ZNF318: variants seen among roughly 807,000 people sequenced by gnomAD.
ZNF318 encodes the protein endocrine regulator.
A neutral mutation model predicts 124.2 loss-of-function variants in ZNF318; 51 were observed. That is an observed-to-expected ratio of 0.41 (90% CI 0.33 to 0.52). ZNF318 has a LOEUF of 0.52. ZNF318 is among the 20% of genes least tolerant of loss of function. The probability of loss-of-function intolerance (pLI) is 0.23; values close to 1 mark genes in which losing one functional copy is unlikely to be tolerated. For missense variants in ZNF318, 2,815 were observed against 2,811.2 expected (o/e 1.00, Z -0.03); for synonymous variants, 1,090 against 1,040.7 (o/e 1.05, Z -0.91).
chr6:43,357,408 A>G lies in ZNF318; in HGVS notation c.906T>C (p.Arg302=). The change falls in exon 3 of 10, where the codon CGT becomes CGC. Residue 302 remains arginine (R), a synonymous_variant. Transcript: ENST00000361428. The stretch of plus-strand genomic sequence containing the variant: ...GAAACCTAGGACTTGGGCTTCTTCT[A>G]CGCTGTCGATAGTTGCGAGTTCCTG... ...FTSGTRNYRQ[R]RRSPSPRFLD... 1 of 1,614,122 alleles carries G rather than the reference A, an allele frequency of 6.2e-7. No homozygotes were observed. Among genetic ancestry groups the G allele is most frequent in the Non-Finnish European group, 8.5e-7 (1 of 1,180,018 alleles).
Position 43,369,509 on chromosome 6 carries a change from G to T in ZNF318, c.-144C>A. 1.9e-6 allele frequency: 1 copy of T among 519,876 alleles called. No homozygotes were observed. Among genetic ancestry groups the T allele is most frequent in the Non-Finnish European group, 2.5e-6 (1 of 401,796 alleles). The allele number at this position is 519,876 out of a possible 1,614,324, so 32.2% of individuals were successfully genotyped here. A position where few individuals can be genotyped will look rare whatever the true frequency, so the allele number is the denominator to read the frequency against. ...CCGCGGGAGCAGCCCCCTCCCCTCG[G>T]CCCCGCGTCGCCCCGGGGGCCCGGC... On this transcript the variant is annotated 5_prime_UTR_variant, in exon 1 of 10. Coordinates refer to ENST00000361428, the MANE Select transcript of ZNF318 (RefSeq NM_014345.3).
rs1779585024 is a variant in ZNF318, at chr6:43,355,097, G to C, written c.2237C>G (p.Pro746Arg). 6.2e-7 allele frequency: 1 copy of C among 1,614,206 alleles called. No homozygotes were observed. The change falls in exon 4 of 10, where the codon CCA becomes CGA. Residue 746 changes from proline (P) to arginine (R), a missense_variant. Transcript: ENST00000361428. ...GTGTGGAAGTCTAATTGGGGCAGAT[G>C]GGGCTGATGGCAACATGCACCTGAC... ...VAVRCMLPSA[P>R]SAPIRLPHTA...
chr6:43,345,967 C>T (rs963194651), intron 6 of ZNF318, among the ~76,000 whole-genome samples: 6 of 151,738 alleles, frequency 4.0e-5, no homozygotes, highest in East Asian at 1.9e-4. Context: ...CTTTGGGAGG[C>T]GGGGGCAGGT....
At chr6:43,361,580 T>C (rs1259097363) in intron 2 of ZNF318, among the ~76,000 whole-genome samples, 1 of 151,956 alleles carries the variant, frequency 6.6e-6, no homozygotes, top group Non-Finnish European at 1.5e-5. Flanking sequence ...AAGTTAATAA[T>C]TTTTTTTAAA....
chr6:43,343,721 C>T (rs755862419), intron 6 of ZNF318, among the ~76,000 whole-genome samples: 15 of 149,860 alleles, frequency 1.0e-4, no homozygotes, highest in Non-Finnish European at 1.9e-4. Flanking sequence ...CCCAGCTACT[C>T]GGGAGGTTGA....
In ZNF318 at chr6:43,337,733, G is replaced by A. The variant is rs765493071; in HGVS notation, c.6265C>T (p.Arg2089Ter). ...LVLDFETEGE[R>*]NSPNPRSVRI... ...ACACTCCTGGGATTAGGTGAGTTTC[G>A]TTCACCCTCTGTCTCAAAGTCAAGC... Residue 2089 changes from arginine (R) to a stop codon, truncating the protein, a stop_gained, in exon 10 of 10, where the codon CGA becomes TGA. Coordinates refer to ENST00000361428, the MANE Select transcript of ZNF318 (RefSeq NM_014345.3). LOFTEE classifies it high-confidence loss of function. 5.0e-6 allele frequency: 8 copies of A among 1,614,084 alleles called. No homozygotes were observed. Among genetic ancestry groups the A allele is most frequent in the Admixed American group, 1.7e-5 (1 of 60,000 alleles).
intron 4 of ZNF318, 103 bp from the exon 5 acceptor site, chr6:43,352,579 A>T (rs1779544543): frequency 9.6e-7 from 1 of 1,036,924 alleles, no homozygotes; most frequent in Non-Finnish European, 1.5e-6. Context: ...GAATGTAAGG[A>T]TCCAAATGCC....
chr6:43,340,170 G>C lies in ZNF318; in HGVS notation c.3828C>G (p.Phe1276Leu), dbSNP rs780546308. Residue 1276 changes from phenylalanine to leucine, a missense_variant, in exon 10 of 10, where the codon TTC becomes TTG. By Grantham distance (22) the Phe-to-Leu change is conservative. Coordinates refer to ENST00000361428, the MANE Select transcript of ZNF318 (RefSeq NM_014345.3). Reference protein sequence around the residue: ...ESPTSSSFGKFSWKKPEKEEE... With the variant: ...ESPTSSSFGKLSWKKPEKEEE... ...CTTCTTTTTCTGGCTTCTTCCAGCTGAATTTCCCAAAAGAAGATGATGTTG... is the reference window on the plus strand; with the variant it reads ...CTTCTTTTTCTGGCTTCTTCCAGCTCAATTTCCCAAAAGAAGATGATGTTG... 4 of 1,614,110 alleles carry C rather than the reference G, an allele frequency of 2.5e-6. No individual in the cohort carries two copies. The highest frequency in any genetic ancestry group is 1.7e-5 in the Admixed American group (1 of 60,006).
intron 6 of ZNF318, among the ~76,000 whole-genome samples, chr6:43,345,672 A>G (rs1213180070): frequency 6.6e-6 from 1 of 152,214 alleles, no homozygotes; most frequent in Non-Finnish European, 1.5e-5. Flanking sequence ...AAACTCTCCT[A>G]GGAAGACATG....
In ZNF318 at chr6:43,355,586, T is replaced by G. The variant is rs1375937580; in HGVS notation, c.1748A>C (p.Glu583Ala). The G allele has an allele frequency of 6.2e-7, 1 of 1,614,182 alleles. No homozygotes were observed. Residue 583 changes from glutamate to alanine, a missense_variant, in exon 4 of 10, where the codon GAA becomes GCA. Glu to Ala is a moderately radical substitution (Grantham distance 107). Transcript: ENST00000361428. ...SAPAVKLESL[E>A]ETNPEYAKIH... ...CTTCGCATATTCTGGATTGGTCTCT[T>G]CTAGTGATTCTAGCTTTACAGCTGG...
chr6:43,340,150 T>C lies in ZNF318; in HGVS notation c.3848A>G (p.Lys1283Arg), dbSNP rs528663455. 1 of 1,614,138 alleles carries C rather than the reference T, an allele frequency of 6.2e-7. No homozygotes were observed. The highest frequency in any genetic ancestry group is 1.1e-5 in the South Asian group (1 of 91,076). Residue 1283 changes from lysine (K) to arginine (R), a missense_variant, in exon 10 of 10, where the codon AAA (lysine) becomes AGA (arginine). Lys to Arg is a conservative substitution (Grantham distance 26). Transcript: ENST00000361428. ...FGKFSWKKPE[K>R]EEEKSSLVTP... The stretch of plus-strand genomic sequence containing the variant: ...CACCAATGAACTTTTCTCCTCTTCT[T>C]TTTCTGGCTTCTTCCAGCTGAATTT...
intron 1 of ZNF318, 74 bp from the exon 2 acceptor site, chr6:43,365,514 G>C: frequency 6.7e-7 from 1 of 1,496,980 alleles, no homozygotes; most frequent in South Asian, 1.2e-5. Flanking sequence ...CTCCTCCCTA[G>C]TTACAAAGTT....
intron 1 of ZNF318, 94 bp from the exon 2 acceptor site, chr6:43,365,534 TG>T: frequency 7.5e-7 from 1 of 1,324,952 alleles, no homozygotes; most frequent in Non-Finnish European, 1.0e-6. Context: ...TAGCCAGGCA[TG>T]GTGGCTCATG....
At chr6:43,346,279 G>C (rs1345005185) in intron 6 of ZNF318, among the ~76,000 whole-genome samples, 3 of 150,588 alleles carry the variant, frequency 2.0e-5, no homozygotes, top group African/African-American at 7.3e-5. Context: ...TCAGGAGTTT[G>C]AGACCAGCCT....
chr6:43,352,457 T>G lies in ZNF318; in HGVS notation c.2690A>C (p.Lys897Thr). The G allele has an allele frequency of 6.2e-7, 1 of 1,614,102 alleles. No homozygotes were observed. The highest frequency in any genetic ancestry group is 8.5e-7 in the Non-Finnish European group (1 of 1,179,992). Reference sequence around the variant, plus strand: ...GCGGGCTTCCCGGTCATTCTTTAGTTTTTCCCTCTCTTCAATAACCTGCAA... The same window carrying G: ...GCGGGCTTCCCGGTCATTCTTTAGTGTTTCCCTCTCTTCAATAACCTGCAA... ...QKQKVIEERE[K>T]LKNDREARQK... The change falls in exon 5 of 10, where the codon AAA (lysine) becomes ACA (threonine). Residue 897 changes from lysine to threonine, a missense_variant. This residue lies in a region of ZNF318 where 1,377 missense variants were observed against 1,353.5 expected (regional missense o/e 1.02). Coordinates refer to ENST00000361428, the MANE Select transcript of ZNF318 (RefSeq NM_014345.3).
chr6:43,342,626 T>C (rs748719453), intron 7 of ZNF318, 50 bp downstream of exon 7: 5 of 1,583,880 alleles, frequency 3.2e-6, no homozygotes, highest in South Asian at 1.1e-5. Context: ...GTATAGAAGT[T>C]TGAAGAGAGT....
In ZNF318 at chr6:43,369,068, G is replaced by A; in HGVS notation, c.298C>T (p.Pro100Ser). The A allele has an allele frequency of 2.2e-6, 3 of 1,334,752 alleles. No homozygotes were observed. Among genetic ancestry groups the A allele is most frequent in the Non-Finnish European group, 2.9e-6 (3 of 1,040,272 alleles). 82.7% of individuals were successfully genotyped at this position (1,334,752 alleles called of 1,614,324 possible). ...PSPPRGRRLFPPGPAGFRGSS... is the reference protein window; with the variant it reads ...PSPPRGRRLFSPGPAGFRGSS... ...CCTCTGAAGCCGGCCGGGCCCGGCG[G>A]GAAGAGTCGTCGGCCCCGCGGTGGC... The change falls in exon 1 of 10, where the codon CCG (proline) becomes TCG (serine). Residue 100 changes from proline to serine, a missense_variant. By Grantham distance (74) the Pro-to-Ser change is moderately conservative. Transcript: ENST00000361428.
At chr6:43,347,945 A>G (rs1326227126) in intron 6 of ZNF318, among the ~76,000 whole-genome samples, 4 of 152,242 alleles carry the variant, frequency 2.6e-5, no homozygotes, top group Admixed American at 6.5e-5. Context: ...AATGCTGCTC[A>G]TTTGAGAAGT....
intron 2 of ZNF318, among the ~76,000 whole-genome samples, chr6:43,358,408 C>G (rs1021197144): frequency 7.7e-6 from 1 of 129,816 alleles, no homozygotes; most frequent in Non-Finnish European, 1.6e-5. Context: ...CCATCACACC[C>G]GGCTAATTTT....
Sources: gnomAD v4.1 joint callset for allele counts (sites outside exome capture counted in the v4.1 genomes callset) on GRCh38, gnomAD v4.1.1 for gene constraint, gnomAD v4.1.1 regional missense constraint, MANE v1.5 for transcripts, NCBI Gene and HGNC (gene_info 2026-07-23, HGNC 2026-07-21) for gene names.